Variants in MAMDC2 observed in about 807,000 individuals in gnomAD.
MAMDC2 encodes MAM domain-containing protein 2.
MAMDC2 carries 57 observed loss-of-function variants against 89.8 expected under a neutral mutation model. The ratio of observed to expected loss-of-function variants is 0.63; its 90% CI spans 0.51 to 0.79. MAMDC2 has a LOEUF of 0.79. MAMDC2 is among the 30% of genes least tolerant of loss of function. The pLI is 0.00. For missense variants in MAMDC2, 800 were observed against 820.6 expected (o/e 0.97, Z 0.31); for synonymous variants, 313 against 293.4 (o/e 1.07, Z -0.68).
intron 5 of MAMDC2, among the ~76,000 whole-genome samples, chr9:70,113,349 A>T (rs1343000248): frequency 6.6e-6 from 1 of 152,226 alleles, no homozygotes; most frequent in Non-Finnish European, 1.5e-5. Flanking sequence ...TCTGTAGCTA[A>T]GGGGAAGGCC....
In MAMDC2 at chr9:70,211,800, G is replaced by C. The variant is rs572982427; in HGVS notation, c.1652-6537G>C. 2.0e-5 allele frequency among the ~76,000 whole-genome samples: 3 copies of C among 152,266 alleles called. No homozygotes were observed. The East Asian group carries it at 5.8e-4, about 29-fold the overall frequency. ...TTTGATGATGGTAACGTACAGATGG[G>C]GTTTTGGTGTGGATGTCCTTTCTGT... On this transcript the variant is annotated intron_variant, in intron 11 of 13. Coordinates refer to ENST00000377182, the MANE Select transcript of MAMDC2 (RefSeq NM_153267.5).
intron 3 of MAMDC2, 81 bp downstream of exon 3, chr9:70,108,563 A>G (rs1302698370): frequency 7.7e-7 from 1 of 1,297,708 alleles, no homozygotes; most frequent in East Asian, 2.4e-5. Flanking sequence ...AACTTCTGAC[A>G]TGGAGGTTAG....
At chr9:70,154,698 A>G (rs1226720905) in intron 9 of MAMDC2, among the ~76,000 whole-genome samples, 1 of 151,746 alleles carries the variant, frequency 6.6e-6, no homozygotes, top group African/African-American at 2.4e-5. Flanking sequence ...TTTTTTGCAG[A>G]GACAGGGTCT....
At chr9:70,087,201 CTT>C (rs1827788842) in intron 2 of MAMDC2, 2 of 152,154 alleles carry the variant, frequency 1.3e-5, no homozygotes, top group African/African-American at 4.8e-5. Flanking sequence ...CTCAGTCAGA[CTT>C]TTGTATTGAG....
At chr9:70,091,757 A>T (rs1052220383) in intron 2 of MAMDC2, among the ~76,000 whole-genome samples, 2 of 152,148 alleles carry the variant, frequency 1.3e-5, no homozygotes, top group Non-Finnish European at 2.9e-5. Context: ...GTGAATAGTT[A>T]AGTGCTCTAA....
At chr9:70,150,573 CA>C (rs1405933361) in intron 9 of MAMDC2, among the ~76,000 whole-genome samples, 3 of 152,244 alleles carry the variant, frequency 2.0e-5, no homozygotes, top group Admixed American at 2.0e-4. Flanking sequence ...CTCTCTTGTT[CA>C]GTCCTTAATA....
chr9:70,149,106 G>C (rs2031503381), intron 9 of MAMDC2, among the ~76,000 whole-genome samples: 1 of 149,474 alleles, frequency 6.7e-6, no homozygotes, highest in South Asian at 2.1e-4. Context: ...AGCTACTCTG[G>C]AGGCTGAGGC....
chr9:70,131,043 C>T (rs2030785080), intron 6 of MAMDC2, among the ~76,000 whole-genome samples: 1 of 152,126 alleles, frequency 6.6e-6, no homozygotes, highest in Non-Finnish European at 1.5e-5. Flanking sequence ...GTATTTCTTA[C>T]AGTCCTGAAG....
chr9:70,186,065 T>G (rs753373233), intron 11 of MAMDC2, among the ~76,000 whole-genome samples: 8 of 131,526 alleles, frequency 6.1e-5, no homozygotes, highest in Non-Finnish European at 1.4e-4. Context: ...TTACAAGTTG[T>G]TTTTTTTTCT....
At chr9:70,210,863 G>T (rs1216683832) in intron 11 of MAMDC2, among the ~76,000 whole-genome samples, 1 of 152,110 alleles carries the variant, frequency 6.6e-6, no homozygotes, top group African/African-American at 2.4e-5. Context: ...TGTCTATAAA[G>T]GATTTTATTT....
At chr9:70,044,540 G>C (rs750280807) in intron 1 of MAMDC2, 44 bp from the exon 2 acceptor site, 1 of 1,483,658 alleles carries the variant, frequency 6.7e-7, no homozygotes, top group Non-Finnish European at 9.2e-7. Context: ...TGGTGCAAAG[G>C]CTCCTGGGTG....
At chr9:70,220,812 C>T (rs1474102553) in intron 12 of MAMDC2, among the ~76,000 whole-genome samples, 1 of 152,212 alleles carries the variant, frequency 6.6e-6, no homozygotes, top group African/African-American at 2.4e-5. Flanking sequence ...ACCTTTTACA[C>T]TCTGAGAGTT....
intron 9 of MAMDC2, chr9:70,153,560 G>A (rs2031647619): frequency 1.3e-5 from 2 of 152,276 alleles, no homozygotes; most frequent in South Asian, 4.1e-4. Flanking sequence ...ACTCGATATT[G>A]TGTTCATTAA....
intron 7 of MAMDC2, among the ~76,000 whole-genome samples, chr9:70,132,585 G>A (rs796639728): frequency 7.5e-4 from 113 of 151,582 alleles, no homozygotes; most frequent in African/African-American, 2.6e-3. Flanking sequence ...TGTCACCCAG[G>A]CTAGAGTGCA....
At position 70,221,390 on chromosome 9, in the gene MAMDC2, G is replaced by T. The variant is rs1405570481; in HGVS notation, c.1911+2794G>T. On this transcript the variant is annotated intron_variant, in intron 12 of 13. Coordinates refer to ENST00000377182, the MANE Select transcript of MAMDC2 (RefSeq NM_153267.5). ...ATATATATATATATATAGAGAGAGA[G>T]AGAGAGAGAGAGAGAGAGTAACATC... 3.7e-3 allele frequency among the ~76,000 whole-genome samples: 154 copies of T among 41,346 alleles called. 16 individuals are homozygous for T. Among genetic ancestry groups the T allele is most frequent in the Non-Finnish European group, 5.3e-3 (100 of 18,808 alleles). The allele number at this position is 41,346 out of a possible 152,430, so 27.1% of individuals were successfully genotyped here.
intron 3 of MAMDC2, chr9:70,109,384 G>T (rs1348076634): frequency 3.9e-6 from 1 of 254,292 alleles, no homozygotes; most frequent in African/African-American, 2.2e-5. Context: ...TTCAGAAACA[G>T]GACCACAAGT....
At chr9:70,105,690 T>A (rs1490047589) in intron 2 of MAMDC2, among the ~76,000 whole-genome samples, 2 of 152,242 alleles carry the variant, frequency 1.3e-5, no homozygotes, top group Non-Finnish European at 2.9e-5. Context: ...CTAGGTATTT[T>A]AAATAGTACA....
chr9:70,093,313 A>G (rs1827949030), intron 2 of MAMDC2, among the ~76,000 whole-genome samples: 1 of 152,152 alleles, frequency 6.6e-6, no homozygotes, highest in African/African-American at 2.4e-5. Flanking sequence ...TTATGGAAGG[A>G]GAATACCTTT....
chr9:70,052,593 C>T (rs1439820351), intron 2 of MAMDC2, among the ~76,000 whole-genome samples: 1 of 152,186 alleles, frequency 6.6e-6, no homozygotes, highest in Non-Finnish European at 1.5e-5. Flanking sequence ...TAAGAGTCCC[C>T]ACCCTGTCAC....
Sources: gnomAD v4.1 joint callset for allele counts (sites outside exome capture counted in the v4.1 genomes callset) on GRCh38, gnomAD v4.1.1 for gene constraint, MANE v1.5 for transcripts, NCBI Gene and HGNC (gene_info 2026-07-23, HGNC 2026-07-21) for gene names.